Variants in EPHA5 observed in about 807,000 individuals in gnomAD.
The protein encoded by EPHA5 is EPH receptor A5, also known as ephrin type-A receptor 5.
In EPHA5, 60 loss-of-function variants were observed where a neutral mutation model predicts 105.0. The ratio of observed to expected loss-of-function variants is 0.57; its 90% confidence interval spans 0.46 to 0.71. The LOEUF is 0.71. Ranked by LOEUF, EPHA5 falls within the 30% of genes least tolerant of loss-of-function variation. The pLI, the probability that EPHA5 is intolerant of heterozygous loss-of-function variation, is 0.00. For synonymous variants in EPHA5, 513 were observed against 449.1 expected (o/e 1.14, Z -1.80); for missense variants, 1,218 against 1,274.7 (o/e 0.96, Z 0.68).
intron 3 of EPHA5, among the ~76,000 whole-genome samples, chr4:65,507,491 A>T (rs1033785098): frequency 2.0e-5 from 3 of 152,114 alleles, no homozygotes; most frequent in Admixed American, 1.3e-4. Context: ...GATGCTTCCT[A>T]CCCATGAGCA....
intron 3 of EPHA5, among the ~76,000 whole-genome samples, chr4:65,580,626 T>G (rs146384588): frequency 6.6e-6 from 1 of 151,538 alleles, no homozygotes. Flanking sequence ...TAAAATAAAA[T>G]AAAAGCCCTC....
At chr4:65,369,419 GA>G (rs1291812209) in intron 8 of EPHA5, among the ~76,000 whole-genome samples, 6 of 152,038 alleles carry the variant, frequency 3.9e-5, no homozygotes, top group African/African-American at 1.2e-4. Context: ...TATGCATTAA[GA>G]AAAGACAGCC....
rs1156599579 is a variant in EPHA5 at position 65,546,956 on chromosome 4, C to T, written c.911-51413G>A. On this transcript the variant is annotated intron_variant, in intron 3 of 16. Transcript: ENST00000613740. The stretch of plus-strand genomic sequence containing the variant: ...ATACATTCATTGAAAATTTCAACCT[C>T]TTCCCTAACAGAATAATCATTCGTA... 3.3e-5 allele frequency among the ~76,000 whole-genome samples: 5 copies of T among 152,008 alleles called. No homozygotes were observed. In the South Asian group the frequency reaches 8.3e-4, roughly 25 times the overall value.
At chr4:65,348,965 G>A (rs374042959) in intron 13 of EPHA5, among the ~76,000 whole-genome samples, 68 of 150,278 alleles carry the variant, frequency 4.5e-4, no homozygotes, top group African/African-American at 1.2e-3. Flanking sequence ...ACAGATGTGC[G>A]CTATCATGCC....
intron 3 of EPHA5, among the ~76,000 whole-genome samples, chr4:65,500,810 C>T (rs946209366): frequency 1.1e-5 from 1 of 89,310 alleles, no homozygotes; most frequent in Non-Finnish European, 2.3e-5. Flanking sequence ...AATATACAGC[C>T]ATATATGTGT....
chr4:65,450,729 A>G (rs1726984700), intron 5 of EPHA5, among the ~76,000 whole-genome samples: 2 of 152,188 alleles, frequency 1.3e-5, no homozygotes, highest in South Asian at 4.1e-4. Context: ...GACAGAATGA[A>G]GTCACCTACG....
At chr4:65,522,333 TAA>T (rs60138418) in intron 3 of EPHA5, among the ~76,000 whole-genome samples, 3 of 144,928 alleles carry the variant, frequency 2.1e-5, no homozygotes, top group Non-Finnish European at 3.1e-5. Context: ...TATATATATA[TAA>T]AATCAACAGT....
chr4:65,665,054 CTA>C (rs977133325), intron 1 of EPHA5, among the ~76,000 whole-genome samples: 1 of 151,578 alleles, frequency 6.6e-6, no homozygotes, highest in African/African-American at 2.4e-5. Flanking sequence ...AAAATAATGT[CTA>C]AAGAGTTATC....
intron 3 of EPHA5, among the ~76,000 whole-genome samples, chr4:65,587,952 T>G (rs909065762): frequency 6.6e-6 from 1 of 152,156 alleles, no homozygotes; most frequent in Non-Finnish European, 1.5e-5. Context: ...ACAGGTGATC[T>G]AAGTCAAGGT....
chr4:65,580,600 C>T (rs899550554), intron 3 of EPHA5, among the ~76,000 whole-genome samples: 1 of 151,528 alleles, frequency 6.6e-6, no homozygotes, highest in Non-Finnish European at 1.5e-5. Context: ...TAATGTGAAA[C>T]ACATATCAAA....
chr4:65,446,066 AT>A (rs1318507967), intron 5 of EPHA5, among the ~76,000 whole-genome samples: 3 of 152,186 alleles, frequency 2.0e-5, no homozygotes, highest in Non-Finnish European at 4.4e-5. Flanking sequence ...TGTCAAAGCG[AT>A]CTTTGTAAAA....
At chr4:65,603,142 G>T (rs182827388) in intron 2 of EPHA5, among the ~76,000 whole-genome samples, 93 of 152,028 alleles carry the variant, frequency 6.1e-4, no homozygotes, top group African/African-American at 2.2e-3. Flanking sequence ...TATACAGGAC[G>T]TAAAAAAAAT....
rs756680908 is a variant in EPHA5 at position 65,453,625 on chromosome 4, A to C, written c.1403-33060T>G. Among the ~76,000 whole-genome samples the C allele has an allele frequency of 3.9e-5, 6 of 152,158 alleles. No homozygotes were observed. The East Asian group carries it at 9.6e-4, about 24-fold the overall frequency. On this transcript the variant is annotated intron_variant, in intron 5 of 16. Coordinates refer to ENST00000613740, the MANE Select transcript of EPHA5 (RefSeq NM_001281766.3). ...GGGACATTCAGCTGGTAAGGGAAGA[A>C]TGTCTCAAGTAAGCATGTGTACAAC...
At chr4:65,429,332 G>C (rs1163915949) in intron 5 of EPHA5, among the ~76,000 whole-genome samples, 3 of 151,896 alleles carry the variant, frequency 2.0e-5, no homozygotes, top group African/African-American at 7.2e-5. Flanking sequence ...GAATACTGCA[G>C]TTTGTTTTAC....
chr4:65,427,830 C>T (rs1313112451), intron 5 of EPHA5, among the ~76,000 whole-genome samples: 1 of 152,126 alleles, frequency 6.6e-6, no homozygotes, highest in Non-Finnish European at 1.5e-5. Flanking sequence ...CTTTCAGTAT[C>T]TATCTGAATA....
At chr4:65,573,315 G>A in intron 3 of EPHA5, 1 of 523,182 alleles carries the variant, frequency 1.9e-6, no homozygotes, top group Non-Finnish European at 3.3e-6. Flanking sequence ...GGAGGCGGAG[G>A]CAGGAGAATG....
At chr4:65,500,990 T>A (rs1440535386) in intron 3 of EPHA5, among the ~76,000 whole-genome samples, 1 of 151,308 alleles carries the variant, frequency 6.6e-6, no homozygotes, top group African/African-American at 2.4e-5. Flanking sequence ...CAAGATTTAT[T>A]CCCATAGCTC....
At chr4:65,348,809 A>ATTTTTT (rs1257886289) in intron 13 of EPHA5, among the ~76,000 whole-genome samples, 2 of 54,876 alleles carry the variant, frequency 3.6e-5, no homozygotes, top group Non-Finnish European at 7.3e-5. Context: ...ATATATATAT[A>ATTTTTT]TATATATTTT....
chr4:65,513,070 A>G (rs1733775177), intron 3 of EPHA5, among the ~76,000 whole-genome samples: 2 of 152,182 alleles, frequency 1.3e-5, no homozygotes. Context: ...GGTTTGGACA[A>G]TTGAAGTAAT....
Sources: allele counts gnomAD v4.1 joint callset (sites outside exome capture counted in the v4.1 genomes callset), GRCh38; gene constraint gnomAD v4.1.1; transcripts MANE v1.5; gene names NCBI Gene and HGNC (gene_info 2026-07-23, HGNC 2026-07-21).